The following LEF1 variants were observed in gnomAD, a reference collection of about 807,000 sequenced individuals.
LEF1 encodes lymphoid enhancer-binding factor 1.
Under a neutral mutation model 51.2 loss-of-function variants are expected in LEF1, and 14 were observed. That is an observed-to-expected ratio of 0.27 (90% CI 0.18 to 0.43). LEF1 has a LOEUF of 0.43. LEF1 is among the 20% of genes least tolerant of loss of function. The pLI is 1.00. For synonymous variants in LEF1, 185 were observed against 183.2 expected (o/e 1.01, Z -0.08); for missense variants, 386 against 512.0 (o/e 0.75, Z 2.37).
intron 11 of LEF1, among the ~76,000 whole-genome samples, chr4:108,051,364 T>C (rs1578279459): frequency 6.6e-6 from 1 of 152,226 alleles, no homozygotes; most frequent in Non-Finnish European, 1.5e-5. Flanking sequence ...CAAGTCTTAC[T>C]TCCAAGTGGG....
At chr4:108,071,643 C>A (rs1053754311) in intron 8 of LEF1, 5 of 152,224 alleles carry the variant, frequency 3.3e-5, no homozygotes, top group Admixed American at 3.3e-4. Flanking sequence ...TTGCATACAT[C>A]TGCACATGAC....
intron 2 of LEF1, 57 bp from the exon 3 acceptor site, chr4:108,163,758 A>G: frequency 7.7e-6 from 12 of 1,555,294 alleles, no homozygotes; most frequent in African/African-American, 1.4e-5. Context: ...ATATTACTGT[A>G]TTTTTCATCT....
intron 8 of LEF1, chr4:108,071,541 T>C (rs186942215): frequency 6.6e-6 from 1 of 152,342 alleles, no homozygotes; most frequent in East Asian, 1.9e-4. Context: ...TTTGTCTCCT[T>C]TTTACATAAC....
intron 3 of LEF1, among the ~76,000 whole-genome samples, chr4:108,106,829 C>T (rs1333603703): frequency 6.6e-6 from 1 of 152,208 alleles, no homozygotes; most frequent in Non-Finnish European, 1.5e-5. Context: ...TCTAAAAACA[C>T]TCACCAATGA....
At chr4:108,166,155 G>T (rs1745375359) in intron 1 of LEF1, 9 of 941,276 alleles carry the variant, frequency 9.6e-6, no homozygotes, top group Non-Finnish European at 1.2e-5. Flanking sequence ...AATCTTTTAC[G>T]CGGGGTTAGG....
chr4:108,141,005 A>G (rs1242168356), intron 3 of LEF1, among the ~76,000 whole-genome samples: 1 of 152,246 alleles, frequency 6.6e-6, no homozygotes, highest in Non-Finnish European at 1.5e-5. Flanking sequence ...TAAAAATGTT[A>G]TTCTTGAACC....
intron 4 of LEF1, among the ~76,000 whole-genome samples, chr4:108,086,458 T>C (rs901208234): frequency 3.9e-5 from 6 of 152,190 alleles, no homozygotes; most frequent in African/African-American, 1.2e-4. Context: ...ATACTGAGCG[T>C]AGCCTTTAAG....
At position 108,168,567 on chromosome 4, in the gene LEF1, C is replaced by T. The variant is rs1013510005; in HGVS notation, c.-800G>A. On this transcript the variant is annotated 5_prime_UTR_variant, in exon 1 of 12. Coordinates refer to ENST00000265165, the MANE Select transcript of LEF1 (RefSeq NM_016269.5). This position sits in a 1 kb window ranked among gnomAD's most constrained non-coding sequence, Gnocchi z 4.6. ...AGAATAAAGTTTTTGCCGGCAAGCG[C>T]GGGGACTCCGCAGTGGAGGGCACTG... 6.6e-6 allele frequency: 1 copy of T among 152,100 alleles called. No individual in the cohort carries two copies. Among genetic ancestry groups the T allele is most frequent in the Non-Finnish European group, 1.5e-5 (1 of 68,054 alleles). 9.4% of individuals were successfully genotyped at this position (152,100 alleles called of 1,614,324 possible). A position where few individuals can be genotyped will look rare whatever the true frequency, so the allele number is the denominator to read the frequency against.
At chr4:108,063,738 T>C (rs1476246390) in intron 10 of LEF1, 75 bp from the exon 11 acceptor site, 1 of 953,184 alleles carries the variant, frequency 1.0e-6, no homozygotes, top group Non-Finnish European at 1.6e-6. Flanking sequence ...GTAGCTACAA[T>C]ATCATGTGAA....
At chr4:108,149,604 T>C (rs1320691563) in intron 3 of LEF1, among the ~76,000 whole-genome samples, 1 of 150,494 alleles carries the variant, frequency 6.6e-6, no homozygotes. Context: ...TGTGTGTATA[T>C]ATGTACATAT....
At chr4:108,099,566 GTGTGTATA>G (rs1294636834) in intron 3 of LEF1, among the ~76,000 whole-genome samples, 1,524 of 72,874 alleles carry the variant, frequency 0.021, 170 homozygotes, top group Non-Finnish European at 0.031. Context: ...ATGTGTGTGT[GTGTGTATA>G]TATATATATA....
rs541654691 is a variant in LEF1, at chr4:108,072,596, A to T, written c.1009-1826T>A. Among the ~76,000 whole-genome samples the T allele has an allele frequency of 2.8e-4, 43 of 152,232 alleles. 1 individual carries two copies. The highest frequency in any genetic ancestry group is 5.0e-4 in the Non-Finnish European group (34 of 68,044). ...ACAGCAGGGCTTGCCCTGAGCCTAA[A>T]GCAAATCAGGTGATGTGCTTTTGTT... On this transcript the variant is annotated intron_variant, in intron 8 of 11. Transcript: ENST00000265165.
rs757637360 is a variant in LEF1, at chr4:108,064,317, A to G, written c.1165+19T>C. ...TGTCAGAAGCCTGAGGATTGACTGG[A>G]AAGTCTCATGGTGCCTACCTGATGC... On this transcript the variant is annotated intron_variant, in intron 10 of 11. Coordinates refer to ENST00000265165, the MANE Select transcript of LEF1 (RefSeq NM_016269.5). 2.3e-5 allele frequency: 36 copies of G among 1,594,548 alleles called. No individual in the cohort carries two copies. The highest frequency in any genetic ancestry group is 8.0e-5 in the African/African-American group (6 of 74,646).
intron 11 of LEF1, among the ~76,000 whole-genome samples, chr4:108,055,627 T>C (rs1170113858): frequency 6.6e-6 from 1 of 152,240 alleles, no homozygotes; most frequent in Non-Finnish European, 1.5e-5. Context: ...TCTAGTGCAT[T>C]GATCTTAATT....
At chr4:108,101,034 T>G (rs2110294042) in intron 3 of LEF1, among the ~76,000 whole-genome samples, 1 of 152,342 alleles carries the variant, frequency 6.6e-6, no homozygotes, top group African/African-American at 2.4e-5. Flanking sequence ...TTACTCTGTC[T>G]GGTTCCTTGC....
In LEF1 at chr4:108,167,758, G is replaced by C. The variant is rs1453658529; in HGVS notation, c.10C>G (p.Leu4Val). 3.7e-6 allele frequency: 6 copies of C among 1,612,762 alleles called. No homozygotes were observed. Among genetic ancestry groups the C allele is most frequent in the African/African-American group, 1.3e-5 (1 of 75,054 alleles). The change falls in exon 1 of 12, where the codon CTC becomes GTC. Residue 4 changes from leucine to valine, a missense_variant. By Grantham distance (32) the Leu-to-Val change is conservative. This residue lies in a region of LEF1 where 335 missense variants were observed against 390.7 expected (regional missense o/e 0.86). Coordinates refer to ENST00000265165, the MANE Select transcript of LEF1 (RefSeq NM_016269.5). The surrounding 1 kb of genome is among the most constrained non-coding windows in gnomAD (Gnocchi z 5.7). The part of the protein sequence containing the change: MPQ[L>V]SGGGGGGGGD... ...CCGCCGCCGCCACCTCCTCCGGAGA[G>C]TTGGGGCATCCCGGCGGCTCTGTAA...
intron 11 of LEF1, among the ~76,000 whole-genome samples, chr4:108,058,153 T>C (rs1247839512): frequency 1.3e-5 from 2 of 152,162 alleles, no homozygotes; most frequent in Non-Finnish European, 1.5e-5. Context: ...GGATTACAGG[T>C]GTGAGCCCCT....
chr4:108,093,395 A>T (rs1268666289), intron 3 of LEF1, among the ~76,000 whole-genome samples: 2 of 152,082 alleles, frequency 1.3e-5, no homozygotes, highest in Admixed American at 6.6e-5. Context: ...CCTACTACAC[A>T]TCTCGCTGTA....
chr4:108,073,344 C>T (rs112017726), intron 8 of LEF1, among the ~76,000 whole-genome samples: 2,230 of 152,236 alleles, frequency 0.015, 20 homozygotes, highest in African/African-American at 0.026. Context: ...AAGATTGCAC[C>T]ACTGCACTCC....
Sources: gnomAD v4.1 joint callset for allele counts (sites outside exome capture counted in the v4.1 genomes callset) on GRCh38, gnomAD v4.1.1 for gene constraint, gnomAD v4.1.1 regional missense constraint, Gnocchi (gnomAD v3.1) non-coding constraint, MANE v1.5 for transcripts, NCBI Gene and HGNC (gene_info 2026-07-23, HGNC 2026-07-21) for gene names.